The following LEP variants were observed in gnomAD, a reference collection of about 807,000 sequenced individuals.
LEP encodes leptin (murine obesity homolog).
Under a neutral mutation model 9.8 loss-of-function variants are expected in LEP, and 6 were observed. The observed-to-expected ratio is 0.61, with a 90% confidence interval of 0.34 to 1.21. LEP has a LOEUF of 1.21. Ranked by LOEUF, LEP falls within the 50% of genes most tolerant of loss-of-function variation. LEP has a pLI of 0.04. For synonymous variants in LEP, 112 were observed against 81.7 expected (o/e 1.37, Z -2.00); for missense variants, 134 against 198.1 (o/e 0.68, Z 1.94).
intron 2 of LEP, among the ~76,000 whole-genome samples, chr7:128,252,875 CCTCTCT>C (rs1174947227): frequency 3.3e-5 from 5 of 152,048 alleles, no homozygotes; most frequent in Non-Finnish European, 1.5e-5. Context: ...CATGGCAAGA[CCTCTCT>C]CTCTAATTTT....
chr7:128,247,912 T>G (rs376797492), intron 1 of LEP, among the ~76,000 whole-genome samples: 2 of 152,344 alleles, frequency 1.3e-5, no homozygotes, highest in East Asian at 3.9e-4. Flanking sequence ...TCTGAGGAAC[T>G]CTAGCATTCA....
rs1050743005 is a variant in LEP at position 128,254,915 on chromosome 7, A to C, written c.*152A>C. On this transcript the variant is annotated 3_prime_UTR_variant, in exon 3 of 3. Coordinates refer to ENST00000308868, the MANE Select transcript of LEP (RefSeq NM_000230.3). ...TCCTCTAAGCCACTCTTCCAAAGGC[A>C]TAAGACCCTAAGCCTCCTTTTGCTT... The C allele has an allele frequency of 4.8e-6, 4 of 824,814 alleles. No individual in the cohort carries two copies. In the African/African-American group the frequency reaches 5.1e-5, roughly 10 times the overall value. The allele number at this position is 824,814 out of a possible 1,614,324, so 51.1% of individuals were successfully genotyped here. A position where few individuals can be genotyped will look rare whatever the true frequency, so the allele number is the denominator to read the frequency against.
intron 1 of LEP, among the ~76,000 whole-genome samples, chr7:128,247,774 C>A (rs1014732120): frequency 3.9e-5 from 6 of 152,200 alleles, no homozygotes; most frequent in Non-Finnish European, 8.8e-5. Flanking sequence ...TGCTTTATCT[C>A]ATTTCAGCCA....
chr7:128,252,130 A>G lies in LEP; in HGVS notation c.112A>G (p.Ile38Val). ...QDDTKTLIKT[I>V]VTRINDISHT... is the part of the protein sequence containing the mutation. ...TGACACCAAAACCCTCATCAAGACA[A>G]TTGTCACCAGGATCAATGACATTTC... Residue 38 changes from isoleucine to valine, a missense_variant, in exon 2 of 3, where the codon ATT (isoleucine) becomes GTT (valine). Ile to Val is a conservative substitution (Grantham distance 29). Coordinates refer to ENST00000308868, the MANE Select transcript of LEP (RefSeq NM_000230.3). 4.3e-6 allele frequency: 7 copies of G among 1,614,228 alleles called. No individual in the cohort carries two copies. Among genetic ancestry groups the G allele is most frequent in the Non-Finnish European group, 5.9e-6 (7 of 1,180,042 alleles).
chr7:128,254,145 A>G (rs553893087), intron 2 of LEP, among the ~76,000 whole-genome samples: 7 of 152,308 alleles, frequency 4.6e-5, no homozygotes, highest in African/African-American at 1.7e-4. Flanking sequence ...GAGGCCATGT[A>G]GAGAAAGGAA....
chr7:128,246,066 G>C (rs753821894), intron 1 of LEP, among the ~76,000 whole-genome samples: 5 of 150,028 alleles, frequency 3.3e-5, no homozygotes, highest in African/African-American at 1.2e-4. Flanking sequence ...GCAAGACTCC[G>C]TCAAAAAAAA....
At chr7:128,245,269 C>T (rs1282688197) in intron 1 of LEP, among the ~76,000 whole-genome samples, 2 of 152,172 alleles carry the variant, frequency 1.3e-5, no homozygotes, top group Admixed American at 1.3e-4. Flanking sequence ...AACGCCTGTC[C>T]TTCAGGCCTC....
chr7:128,255,469 T>A lies in LEP; in HGVS notation c.*706T>A, dbSNP rs548729924. The A allele has an allele frequency of 6.5e-6, 1 of 153,208 alleles. No homozygotes were observed. The highest frequency in any genetic ancestry group is 1.9e-4 in the East Asian group (1 of 5,180). The allele number at this position is 153,208 out of a possible 1,614,324, so 9.5% of individuals were successfully genotyped here. ...CTCCAGTTAGTTCTCTCGTAACTGG[T>A]TTCATTTCTACTGTGACTGATGTTA... On this transcript the variant is annotated 3_prime_UTR_variant, in exon 3 of 3. Transcript: ENST00000308868.
rs1159150820 is a variant in LEP at position 128,254,706 on chromosome 7, G to A, written c.447G>A (p.Arg149=). 1 of 1,613,600 alleles carries A rather than the reference G, an allele frequency of 6.2e-7. No homozygotes were observed. The highest frequency in any genetic ancestry group is 8.5e-7 in the Non-Finnish European group (1 of 1,179,912). The change falls in exon 3 of 3, where the codon AGG becomes AGA. Residue 149 remains arginine, a synonymous_variant. Transcript: ENST00000308868. The part of the protein sequence containing the change: ...GYSTEVVALS[R]LQGSLQDMLW... ...CCACAGAGGTGGTGGCCCTGAGCAG[G>A]CTGCAGGGGTCTCTGCAGGACATGC...
Position 128,254,843 on chromosome 7 carries a change from G to C in LEP, c.*80G>C. On this transcript the variant is annotated 3_prime_UTR_variant, in exon 3 of 3. Transcript: ENST00000308868. ...TTCCAGGTATCTCCAGGATTGAAGA[G>C]CATTGCATGGACACCCCTTATCCAG... is the stretch of plus-strand genomic sequence containing the variant. The C allele has an allele frequency of 6.8e-7, 1 of 1,469,696 alleles. No individual in the cohort carries two copies. The highest frequency in any genetic ancestry group is 9.4e-7 in the Non-Finnish European group (1 of 1,069,146). The allele number at this position is 1,469,696 out of a possible 1,614,324, so 91.0% of individuals were successfully genotyped here. A position where few individuals can be genotyped will look rare whatever the true frequency, so the allele number is the denominator to read the frequency against.
rs201990018 is a variant in LEP at position 128,255,344 on chromosome 7, A to G, written c.*581A>G. On this transcript the variant is annotated 3_prime_UTR_variant, in exon 3 of 3. Coordinates refer to ENST00000308868, the MANE Select transcript of LEP (RefSeq NM_000230.3). ...CAGCCAGGGCCAGGGGTCTCCCTGG[A>G]GTGCAGTTTCCAATCCCATAGATGG... 1 of 158,206 alleles carries G rather than the reference A, an allele frequency of 6.3e-6. No individual in the cohort carries two copies. Among genetic ancestry groups the G allele is most frequent in the Non-Finnish European group, 1.4e-5 (1 of 71,240 alleles). The allele number at this position is 158,206 out of a possible 1,614,324, so 9.8% of individuals were successfully genotyped here.
At chr7:128,251,563 G>T (rs28954105) in intron 1 of LEP, among the ~76,000 whole-genome samples, 3,679 of 152,288 alleles carry the variant, frequency 0.024, 146 homozygotes, top group African/African-American at 0.082. Context: ...TAAAAGCCTA[G>T]AGATAGATAT....
intron 1 of LEP, among the ~76,000 whole-genome samples, chr7:128,250,320 A>G (rs1795259514): frequency 6.6e-6 from 1 of 152,258 alleles, no homozygotes; most frequent in Admixed American, 6.5e-5. Flanking sequence ...ATTACTTGGT[A>G]CATAGTACTT....
At chr7:128,253,637 T>G (rs1463219255) in intron 2 of LEP, among the ~76,000 whole-genome samples, 2 of 152,164 alleles carry the variant, frequency 1.3e-5, no homozygotes, top group East Asian at 3.8e-4. Context: ...TATGGTAGTC[T>G]TGGGCAGTTA....
intron 1 of LEP, among the ~76,000 whole-genome samples, chr7:128,247,592 A>G (rs1795226840): frequency 6.6e-6 from 1 of 152,116 alleles, no homozygotes; most frequent in African/African-American, 2.4e-5. Flanking sequence ...CACCTCTGCC[A>G]GGGCTGCCCT....
chr7:128,251,971 G>A lies in LEP; in HGVS notation c.-28-20G>A, dbSNP rs1237105066. 4 of 1,603,414 alleles carry A rather than the reference G, an allele frequency of 2.5e-6. No individual in the cohort carries two copies. The highest frequency in any genetic ancestry group is 2.6e-6 in the Non-Finnish European group (3 of 1,170,308). On this transcript the variant is annotated intron_variant, in intron 1 of 2. Coordinates refer to ENST00000308868, the MANE Select transcript of LEP (RefSeq NM_000230.3). ...CTGAGATACCGGCTCCTTGCAGTGT[G>A]TGGTTCCTTCTGTTTTCAGGCCCAA...
At chr7:128,243,187 G>A (rs1018321228) in intron 1 of LEP, among the ~76,000 whole-genome samples, 1 of 152,196 alleles carries the variant, frequency 6.6e-6, no homozygotes, top group Non-Finnish European at 1.5e-5. Context: ...TATTCCACGT[G>A]TGACAGCCAA....
Position 128,254,573 on chromosome 7 carries a change from G to A in LEP, c.314G>A (p.Arg105Gln), listed in dbSNP as rs1795313788. ...ATATCCAACGACCTGGAGAACCTCC[G>A]GGATCTTCTTCACGTGCTGGCCTTC... ...IQISNDLENL[R>Q]DLLHVLAFSK... Residue 105 changes from arginine to glutamine, a missense_variant, in exon 3 of 3, where the codon CGG becomes CAG. Coordinates refer to ENST00000308868, the MANE Select transcript of LEP (RefSeq NM_000230.3). 4.3e-6 allele frequency: 7 copies of A among 1,613,980 alleles called. No individual in the cohort carries two copies. The highest frequency in any genetic ancestry group is 1.3e-5 in the African/African-American group (1 of 74,912).
intron 1 of LEP, among the ~76,000 whole-genome samples, chr7:128,242,846 C>A (rs988790577): frequency 9.8e-5 from 15 of 152,308 alleles, no homozygotes; most frequent in African/African-American, 1.4e-4. Flanking sequence ...CGCCACGGAA[C>A]CTGGGTCAAT....
Sources: allele counts gnomAD v4.1 joint callset (sites outside exome capture counted in the v4.1 genomes callset), GRCh38; gene constraint gnomAD v4.1.1; transcripts MANE v1.5; gene names NCBI Gene and HGNC (gene_info 2026-07-23, HGNC 2026-07-21).